Variants in MCFD2 observed in about 807,000 individuals in gnomAD.
MCFD2 encodes the protein multiple coagulation factor deficiency protein 2.
Under a neutral mutation model 12.8 loss-of-function variants are expected in MCFD2, and 11 were observed. That is an observed-to-expected ratio of 0.86 (90% CI 0.54 to 1.42). MCFD2 has a LOEUF of 1.42. MCFD2 is among the 40% of genes most tolerant of loss of function. The probability of loss-of-function intolerance (pLI) is 0.00; values close to 1 mark genes in which losing one functional copy is unlikely to be tolerated. For synonymous variants in MCFD2, 70 were observed against 68.1 expected (o/e 1.03, Z -0.14); for missense variants, 191 against 178.6 (o/e 1.07, Z -0.40).
Position 46,908,951 on chromosome 2 carries a change from C to T in MCFD2, c.149+72G>A, listed in dbSNP as rs1017982574. ...CAGGAAGAAGGAAAGGAGGACTGAG[C>T]ATGCCCTTGCCGCTGGCTCAGCTGC... On this transcript the variant is annotated intron_variant, in intron 2 of 3. Transcript: ENST00000319466. This position sits in a 1 kb window ranked among gnomAD's most constrained non-coding sequence, Gnocchi z 4.5. The T allele has an allele frequency of 6.3e-7, 1 of 1,589,720 alleles. No individual in the cohort carries two copies. Among genetic ancestry groups the T allele is most frequent in the African/African-American group, 1.3e-5 (1 of 74,618 alleles).
At chr2:46,906,475 ATTTTTTTTTTTTTTTTT>A (rs70940646) in intron 3 of MCFD2, among the ~76,000 whole-genome samples, 1 of 91,702 alleles carries the variant, frequency 1.1e-5, no homozygotes, top group African/African-American at 4.5e-5. Flanking sequence ...AGGCACGAGG[ATTTTTTTTTTTTTTTTT>A]TTTTTTTTTT....
In MCFD2 at chr2:46,904,391, T is replaced by G; in HGVS notation, c.*1072A>C. On this transcript the variant is annotated 3_prime_UTR_variant, in exon 4 of 4. Coordinates refer to ENST00000319466, the MANE Select transcript of MCFD2 (RefSeq NM_139279.6). ...CCACCAACAGCTTGCACCGTGCACC[T>G]GGAAAAGCCGCAGGCACTGAACAAC... The G allele has an allele frequency of 6.5e-6, 1 of 153,412 alleles. No individual in the cohort carries two copies. Among genetic ancestry groups the G allele is most frequent in the Non-Finnish European group, 1.4e-5 (1 of 71,736 alleles). The allele number at this position is 153,412 out of a possible 1,614,324, so 9.5% of individuals were successfully genotyped here.
upstream of MCFD2, chr2:46,915,806 G>GGGGGGGGGGGGGCCCCC: frequency 5.9e-6 from 3 of 512,580 alleles, no homozygotes; most frequent in South Asian, 1.2e-4. Context: ...CCTCGGCTTC[G>GGGGGGGGGGGGGCCCCC]CCCCGCCCCC....
upstream of MCFD2, among the ~76,000 whole-genome samples, chr2:46,918,128 G>T (rs1668910533): frequency 6.6e-6 from 1 of 152,128 alleles, no homozygotes; most frequent in Admixed American, 6.5e-5. Context: ...ATGAATGTCA[G>T]ACTGGCATCT....
chr2:46,927,218 A>G (rs1387448203), intron 1 of MCFD2, among the ~76,000 whole-genome samples: 1 of 152,166 alleles, frequency 6.6e-6, no homozygotes, highest in East Asian at 1.9e-4. Context: ...AGAACCAATG[A>G]AAGATTACAA....
intron 1 of MCFD2, among the ~76,000 whole-genome samples, chr2:46,938,217 A>T (rs893744958): frequency 1.3e-5 from 2 of 152,240 alleles, no homozygotes; most frequent in South Asian, 2.1e-4. Context: ...GAAGGTGTTC[A>T]ATTTCCCACT....
At chr2:46,931,508 G>A (rs1019400233) in intron 1 of MCFD2, among the ~76,000 whole-genome samples, 2 of 151,502 alleles carry the variant, frequency 1.3e-5, no homozygotes, top group Admixed American at 6.6e-5. Flanking sequence ...CTTTCTAAGA[G>A]GGAAACAGGA....
Position 46,908,876 on chromosome 2 carries a change from G to A in MCFD2, c.149+147C>T. ...AAAAAGAATACCTGACTTATAGGTGGCAATAAGGAATAAGAATCATCCTTG... is the reference window on the plus strand; with the variant it reads ...AAAAAGAATACCTGACTTATAGGTGACAATAAGGAATAAGAATCATCCTTG... On this transcript the variant is annotated intron_variant, in intron 2 of 3. Coordinates refer to ENST00000319466, the MANE Select transcript of MCFD2 (RefSeq NM_139279.6). This position sits in a 1 kb window ranked among gnomAD's most constrained non-coding sequence, Gnocchi z 4.5. The A allele has an allele frequency of 9.6e-7, 1 of 1,039,278 alleles. No individual in the cohort carries two copies. The highest frequency in any genetic ancestry group is 1.5e-6 in the Non-Finnish European group (1 of 676,858). The allele number at this position is 1,039,278 out of a possible 1,614,324, so 64.4% of individuals were successfully genotyped here. A position where few individuals can be genotyped will look rare whatever the true frequency, so the allele number is the denominator to read the frequency against.
chr2:46,908,204 A>G lies in MCFD2; in HGVS notation c.150-235T>C, dbSNP rs1442699282. 8.9e-6 allele frequency: 5 copies of G among 562,442 alleles called. No homozygotes were observed. In the African/African-American group the frequency reaches 9.4e-5, roughly 11 times the overall value. The allele number at this position is 562,442 out of a possible 1,614,324, so 34.8% of individuals were successfully genotyped here. ...AGGATTAGGGTATTCTTTCCTCTTT[A>G]TTATTAGAATTTTGTTATAACATTT... On this transcript the variant is annotated intron_variant, in intron 2 of 3. Coordinates refer to ENST00000319466, the MANE Select transcript of MCFD2 (RefSeq NM_139279.6). The surrounding 1 kb of genome is among the most constrained non-coding windows in gnomAD (Gnocchi z 4.5).
Position 46,940,869 on chromosome 2 carries a change from T to C in MCFD2, c.-8+703A>G, listed in dbSNP as rs1258292870. Among the ~76,000 whole-genome samples the C allele has an allele frequency of 1.3e-5, 2 of 151,936 alleles. No homozygotes were observed. The highest frequency in any genetic ancestry group is 2.9e-5 in the Non-Finnish European group (2 of 67,950). ...GCCTGTCGGCCGGCCTCTCCCCATT[T>C]TTGTGACGTGTCAGGGGCAGCAGCG... is the stretch of plus-strand genomic sequence containing the variant. On this transcript the variant is annotated intron_variant, in intron 1 of 2. Transcript: ENST00000409147. This position sits in a 1 kb window ranked among gnomAD's most constrained non-coding sequence, Gnocchi z 4.7.
chr2:46,941,463 G>C lies in MCFD2; in HGVS notation c.-8+109C>G, dbSNP rs1340869051. The stretch of plus-strand genomic sequence containing the variant: ...GCGCCCCCGTCGACCCCGCCCGCGA[G>C]TGCGCCCCAGCCAGGACGCCGCCCC... On this transcript the variant is annotated intron_variant, in intron 1 of 2. Coordinates refer to the MCFD2 transcript ENST00000409147. This position sits in a 1 kb window ranked among gnomAD's most constrained non-coding sequence, Gnocchi z 4.2. 6.9e-7 allele frequency: 1 copy of C among 1,442,634 alleles called. No individual in the cohort carries two copies. The highest frequency in any genetic ancestry group is 9.2e-7 in the Non-Finnish European group (1 of 1,086,212). The allele number at this position is 1,442,634 out of a possible 1,614,324, so 89.4% of individuals were successfully genotyped here. A position where few individuals can be genotyped will look rare whatever the true frequency, so the allele number is the denominator to read the frequency against.
chr2:46,941,517 CT>C lies in MCFD2; in HGVS notation c.-8+54del, dbSNP rs1670373975. Reference sequence around the variant, plus strand: ...CCGGGTCTCCACTTCTTGGCCGCACCTTCCATGACAGCGCCCGCGAGAAGAT... The same window carrying C: ...CCGGGTCTCCACTTCTTGGCCGCACCTCCATGACAGCGCCCGCGAGAAGAT... On this transcript the variant is annotated intron_variant, in intron 1 of 2. Coordinates refer to the MCFD2 transcript ENST00000409147. The surrounding 1 kb of genome is among the most constrained non-coding windows in gnomAD (Gnocchi z 4.2). 6.5e-7 allele frequency: 1 copy of C among 1,548,584 alleles called. No individual in the cohort carries two copies. The highest frequency in any genetic ancestry group is 8.7e-7 in the Non-Finnish European group (1 of 1,146,384).
chr2:46,906,127 G>A (rs1485264720), intron 3 of MCFD2: 1 of 402,724 alleles, frequency 2.5e-6, no homozygotes, highest in South Asian at 1.9e-5. Flanking sequence ...GTGGGCTGAG[G>A]CTGTTCACAT....
At chr2:46,934,326 T>G (rs1006418823) in intron 1 of MCFD2, among the ~76,000 whole-genome samples, 1 of 152,214 alleles carries the variant, frequency 6.6e-6, no homozygotes, top group Non-Finnish European at 1.5e-5. Flanking sequence ...TGGCACAATC[T>G]CAGCTCACTG....
chr2:46,905,641 A>G (rs1311230024), intron 3 of MCFD2, 47 bp from the exon 4 acceptor site: 1 of 1,591,246 alleles, frequency 6.3e-7, no homozygotes, highest in South Asian at 1.1e-5. Flanking sequence ...TTTTACCGGA[A>G]GAAGTGCTTA....
At chr2:46,918,762 A>T (rs1668948306), upstream of MCFD2, among the ~76,000 whole-genome samples, 1 of 152,232 alleles carries the variant, frequency 6.6e-6, no homozygotes, top group Admixed American at 6.5e-5. Context: ...AGCAATATGG[A>T]ACATTAGTGA....
intron 1 of MCFD2, among the ~76,000 whole-genome samples, chr2:46,924,446 C>CA (rs1284057041): frequency 1.3e-5 from 2 of 151,954 alleles, no homozygotes; most frequent in Admixed American, 1.3e-4. Flanking sequence ...GGAATATAAT[C>CA]ATATTTGTGA....
rs553823980 is a variant in MCFD2 at position 46,907,162 on chromosome 2, C to T, written c.309+648G>A. 7.0e-5 allele frequency: 11 copies of T among 157,656 alleles called. No individual in the cohort carries two copies. In the South Asian group the frequency reaches 1.9e-3, roughly 27 times the overall value. The allele number at this position is 157,656 out of a possible 1,614,324, so 9.8% of individuals were successfully genotyped here. ...CCTGAATCCCTTGGTGTCAATTCAC[C>T]ATTAAACAACTTCTCCCTTGCTCTG... On this transcript the variant is annotated intron_variant, in intron 3 of 3. Transcript: ENST00000319466. This position sits in a 1 kb window ranked among gnomAD's most constrained non-coding sequence, Gnocchi z 4.1.
At chr2:46,934,716 C>T (rs190467587) in intron 1 of MCFD2, among the ~76,000 whole-genome samples, 1 of 150,174 alleles carries the variant, frequency 6.7e-6, no homozygotes, top group Admixed American at 6.6e-5. Context: ...AAAAAACCCG[C>T]ACTTCAAAAC....
Sources: gnomAD v4.1 joint callset for allele counts (sites outside exome capture counted in the v4.1 genomes callset) on GRCh38, gnomAD v4.1.1 for gene constraint, Gnocchi (gnomAD v3.1) non-coding constraint, MANE v1.5 for transcripts, NCBI Gene and HGNC (gene_info 2026-07-23, HGNC 2026-07-21) for gene names.